The following OR51B5 variants were observed in gnomAD, a reference collection of about 807,000 sequenced individuals.
The protein encoded by OR51B5 is olfactory receptor 51B5.
For synonymous variants in OR51B5, 186 were observed against 144.8 expected, an observed-to-expected ratio of 1.28 and a Z score of -2.04; for missense variants, 456 against 374.6, an observed-to-expected ratio of 1.22 and a Z score of -1.79.
intron 1 of OR51B5, among the ~76,000 whole-genome samples, chr11:5,366,021 C>T (rs189230917): frequency 9.4e-4 from 143 of 152,086 alleles, no homozygotes; most frequent in African/African-American, 3.4e-3. Flanking sequence ...TAAGACCAAC[C>T]AACCACCCTA....
intron 1 of OR51B5, among the ~76,000 whole-genome samples, chr11:5,399,645 A>G (rs911370830): frequency 3.3e-5 from 5 of 152,120 alleles, no homozygotes; most frequent in African/African-American, 1.2e-4. Context: ...TTTCAAGCTA[A>G]AATGCTCTTG....
chr11:5,480,425 C>G (rs1386759715), intron 1 of OR51B5, among the ~76,000 whole-genome samples: 1 of 151,544 alleles, frequency 6.6e-6, no homozygotes, highest in South Asian at 2.1e-4. Context: ...AAAATTGACA[C>G]CCTAACATCA....
chr11:5,498,940 T>A (rs1299238430), intron 1 of OR51B5, among the ~76,000 whole-genome samples: 1 of 152,230 alleles, frequency 6.6e-6, no homozygotes. Flanking sequence ...GGAGGCCAGA[T>A]GAAGGGCATG....
intron 1 of OR51B5, among the ~76,000 whole-genome samples, chr11:5,398,040 G>C (rs563746490): frequency 6.6e-6 from 1 of 152,062 alleles, no homozygotes; most frequent in Non-Finnish European, 1.5e-5. Context: ...ATCACACACC[G>C]GGGCCTGTTG....
At chr11:5,476,054 T>C (rs191102632) in intron 1 of OR51B5, among the ~76,000 whole-genome samples, 5 of 152,356 alleles carry the variant, frequency 3.3e-5, no homozygotes, top group African/African-American at 1.2e-4. Context: ...AGTGATTTAC[T>C]CACTTTTCTA....
intron 1 of OR51B5, among the ~76,000 whole-genome samples, chr11:5,435,716 C>T (rs891556094): frequency 3.3e-5 from 5 of 152,168 alleles, no homozygotes; most frequent in Non-Finnish European, 7.3e-5. Context: ...TTCTGCACCA[C>T]AAAAGTCCTC....
rs988169076 is a variant in OR51B5 at position 5,460,369 on chromosome 11, G to A, written n.84+45200C>T. On this transcript the variant is annotated intron_variant and non_coding_transcript_variant, in intron 1 of 4. Coordinates refer to the OR51B5 transcript ENST00000415970. Reference sequence around the variant, plus strand: ...TCAAGTTTACCTATATAACAAACCTGCACATGTACCCTTGAACGTAAAAGT... The same window carrying A: ...TCAAGTTTACCTATATAACAAACCTACACATGTACCCTTGAACGTAAAAGT... Among the ~76,000 whole-genome samples the A allele has an allele frequency of 6.6e-5, 10 of 152,130 alleles. 1 individual carries two copies. The highest frequency in any genetic ancestry group is 6.5e-4 in the Admixed American group (10 of 15,272).
intron 1 of OR51B5, among the ~76,000 whole-genome samples, chr11:5,398,761 T>G (rs972162386): frequency 3.3e-5 from 5 of 152,162 alleles, no homozygotes; most frequent in African/African-American, 1.2e-4. Flanking sequence ...TTTTCCCTCT[T>G]CTTGCTCACT....
chr11:5,467,201 C>T (rs1851150295), intron 1 of OR51B5, among the ~76,000 whole-genome samples: 2 of 152,122 alleles, frequency 1.3e-5, no homozygotes, highest in South Asian at 2.1e-4. Context: ...ATACAGTCCT[C>T]TCCAATTGGG....
chr11:5,438,111 G>C (rs1037522509), intron 1 of OR51B5, among the ~76,000 whole-genome samples: 1 of 152,048 alleles, frequency 6.6e-6, no homozygotes, highest in Non-Finnish European at 1.5e-5. Context: ...TTGTAAGTTA[G>C]GTCACAGAAT....
At chr11:5,465,204 T>C (rs1301927987) in intron 1 of OR51B5, among the ~76,000 whole-genome samples, 27 of 6,030 alleles carry the variant, frequency 4.5e-3, no homozygotes, top group African/African-American at 0.01. Flanking sequence ...AGACTCCGTC[T>C]CAAAAAAAAA....
chr11:5,465,157 G>A (rs1851119574), intron 1 of OR51B5, among the ~76,000 whole-genome samples: 2 of 117,072 alleles, frequency 1.7e-5, no homozygotes, highest in Admixed American at 1.2e-4. Context: ...AGTGAGCCGA[G>A]ATCCCGCCAC....
intron 1 of OR51B5, among the ~76,000 whole-genome samples, chr11:5,459,818 G>A (rs2133792682): frequency 6.6e-6 from 1 of 152,294 alleles, no homozygotes; most frequent in African/African-American, 2.4e-5. Context: ...GGAAAGCAGT[G>A]TGGTGATTCC....
rs1554893762 is a variant in OR51B5, at chr11:5,455,568, A to AGAG, written n.84+49998_84+50000dup. The AGAG allele has an allele frequency of 1.7e-4, 23 of 135,428 alleles. 1 individual carries two copies. The highest frequency in any genetic ancestry group is 6.5e-4 in the African/African-American group (23 of 35,648). 8.4% of individuals were successfully genotyped at this position (135,428 alleles called of 1,614,324 possible). ...GATTGGGGGAGAAAGAAGGGGGGAGAGAGAGAGAGAAAGAGAAAGAGAGAA... is the reference window on the plus strand; with the variant it reads ...GATTGGGGGAGAAAGAAGGGGGGAGAGAGGAGAGAGAGAAAGAGAAAGAGAGAA... On this transcript the variant is annotated intron_variant and non_coding_transcript_variant, in intron 1 of 4. Transcript: ENST00000415970.
chr11:5,431,188 G>A (rs1566278), intron 1 of OR51B5: 82,902 of 365,334 alleles, frequency 0.23, 9,831 homozygotes, highest in East Asian at 0.4. Context: ...ACGGGGCAGG[G>A]TCAGGATGGC....
intron 1 of OR51B5, among the ~76,000 whole-genome samples, chr11:5,363,419 C>G (rs1207545081): frequency 3.4e-5 from 5 of 147,268 alleles, no homozygotes; most frequent in Non-Finnish European, 6.0e-5. Context: ...ATTAATTGTT[C>G]CTTTAAGCCC....
chr11:5,430,748 G>T (rs747605540), intron 1 of OR51B5: 2 of 457,018 alleles, frequency 4.4e-6, no homozygotes, highest in South Asian at 1.5e-5. Context: ...AGTACAGGTG[G>T]CACCAAAAGG....
intron 1 of OR51B5, among the ~76,000 whole-genome samples, chr11:5,494,340 A>T (rs1271923480): frequency 6.6e-6 from 1 of 151,930 alleles, no homozygotes; most frequent in Admixed American, 6.6e-5. Flanking sequence ...TGTGGACTTT[A>T]TTGTCAGTAC....
chr11:5,475,482 A>C (rs1447813310), intron 1 of OR51B5, among the ~76,000 whole-genome samples: 1 of 152,120 alleles, frequency 6.6e-6, no homozygotes, highest in Non-Finnish European at 1.5e-5. Context: ...CTAGTTATTT[A>C]TCCACCAACT....
Sources: gnomAD v4.1 joint callset for allele counts (sites outside exome capture counted in the v4.1 genomes callset) on GRCh38, gnomAD v4.1.1 for gene constraint, MANE v1.5 for transcripts, NCBI Gene and HGNC (gene_info 2026-07-23, HGNC 2026-07-21) for gene names.